GPM6A: variants seen among roughly 807,000 people sequenced by gnomAD.
The protein encoded by GPM6A is glycoprotein M6A.
GPM6A carries 7 observed loss-of-function variants against 32.1 expected under a neutral mutation model. That is an observed-to-expected ratio of 0.22 (90% confidence interval 0.12 to 0.41). The LOEUF (loss-of-function observed/expected upper bound fraction) is 0.41. GPM6A is among the 10% of genes least tolerant of loss of function. The pLI, the probability that GPM6A is intolerant of heterozygous loss-of-function variation, is 1.00. For synonymous variants in GPM6A, 130 were observed against 123.4 expected (o/e 1.05, Z -0.35); for missense variants, 235 against 347.2 (o/e 0.68, Z 2.57).
At chr4:175,811,170 C>T (rs1029237437) in intron 1 of GPM6A, among the ~76,000 whole-genome samples, 1 of 152,056 alleles carries the variant, frequency 6.6e-6, no homozygotes, top group Non-Finnish European at 1.5e-5. Context: ...TGTGCTTCCA[C>T]CCTATATATT....
intron 1 of GPM6A, among the ~76,000 whole-genome samples, chr4:175,929,742 A>G (rs905400744): frequency 1.3e-5 from 2 of 152,188 alleles, no homozygotes; most frequent in Non-Finnish European, 2.9e-5. Flanking sequence ...AAACAAAACA[A>G]CACTCCTAAC....
At chr4:175,946,125 C>A (rs141515590) in intron 1 of GPM6A, among the ~76,000 whole-genome samples, 323 of 152,034 alleles carry the variant, frequency 2.1e-3, no homozygotes, top group Non-Finnish European at 3.4e-3. Flanking sequence ...CCCCCTAAAT[C>A]TATAAAAAAT....
chr4:175,754,985 A>C (rs1334623477), intron 1 of GPM6A, among the ~76,000 whole-genome samples: 2 of 152,038 alleles, frequency 1.3e-5, no homozygotes, highest in Admixed American at 1.3e-4. Context: ...ACACGCACAC[A>C]ATTACACATT....
chr4:175,749,490 G>A (rs968018502), intron 1 of GPM6A, among the ~76,000 whole-genome samples: 28 of 152,120 alleles, frequency 1.8e-4, no homozygotes, highest in African/African-American at 6.5e-4. Flanking sequence ...AAAATAAGAT[G>A]AAGTCTGCAT....
upstream of GPM6A, chr4:175,812,497 A>C: frequency 8.4e-7 from 1 of 1,190,178 alleles, no homozygotes; most frequent in East Asian, 4.1e-5. Flanking sequence ...AAAGCTGCCC[A>C]TTGTGTACCA....
chr4:175,937,402 C>A (rs1196913303), intron 1 of GPM6A, among the ~76,000 whole-genome samples: 1 of 152,100 alleles, frequency 6.6e-6, no homozygotes, highest in African/African-American at 2.4e-5. Context: ...TCAATATGTA[C>A]CTCTATGAAA....
intron 1 of GPM6A, among the ~76,000 whole-genome samples, chr4:175,760,152 G>C (rs577917703): frequency 1.3e-5 from 2 of 152,020 alleles, no homozygotes; most frequent in African/African-American, 4.8e-5. Context: ...CTCCAGCCTG[G>C]GTAGCAGAGT....
intron 1 of GPM6A, among the ~76,000 whole-genome samples, chr4:175,978,643 T>C (rs895157838): frequency 2.6e-5 from 4 of 152,220 alleles, no homozygotes; most frequent in African/African-American, 9.6e-5. Context: ...AATATGGCAA[T>C]AAACAACCAT....
intron 1 of GPM6A, among the ~76,000 whole-genome samples, chr4:175,927,574 A>T (rs1738884973): frequency 6.6e-6 from 1 of 152,214 alleles, no homozygotes; most frequent in Non-Finnish European, 1.5e-5. Flanking sequence ...TACTTAATAG[A>T]GTACTGGTTA....
intron 4 of GPM6A, among the ~76,000 whole-genome samples, chr4:175,650,554 C>G (rs1009705214): frequency 6.6e-6 from 1 of 152,074 alleles, no homozygotes; most frequent in Admixed American, 6.6e-5. Context: ...ATGTGCCTGC[C>G]TTAGTCTCCC....
intron 1 of GPM6A, among the ~76,000 whole-genome samples, chr4:175,986,006 A>T (rs1473635684): frequency 6.6e-6 from 1 of 152,032 alleles, no homozygotes; most frequent in African/African-American, 2.4e-5. Flanking sequence ...GGGTTTCACC[A>T]TGTTGACCAG....
At chr4:175,845,304 A>G (rs896575400) in intron 1 of GPM6A, among the ~76,000 whole-genome samples, 10 of 152,114 alleles carry the variant, frequency 6.6e-5, no homozygotes, top group Non-Finnish European at 1.2e-4. Flanking sequence ...GCCATAGTAG[A>G]CAATGGTGTG....
chr4:175,812,937 A>G (rs1734986821), upstream of GPM6A: 1 of 985,388 alleles, frequency 1.0e-6, no homozygotes, highest in Non-Finnish European at 1.2e-6. Flanking sequence ...GTTTATTACT[A>G]AGACAGGACT....
chr4:175,808,130 T>C (rs192786274), intron 1 of GPM6A, among the ~76,000 whole-genome samples: 1 of 152,250 alleles, frequency 6.6e-6, no homozygotes, highest in East Asian at 1.9e-4. Context: ...AGGGATGATG[T>C]CTGCTTAAGG....
intron 1 of GPM6A, among the ~76,000 whole-genome samples, chr4:175,945,768 ATATTACATACAACTCAGTAATACG>A (rs1739579654): frequency 6.6e-6 from 1 of 151,978 alleles, no homozygotes; most frequent in African/African-American, 2.4e-5. Context: ...ATACGGGTGC[ATATTACATACAACTCAGTAATACG>A]GGTGCATATT....
chr4:175,976,328 A>ATTTTTT (rs34163669), intron 1 of GPM6A, among the ~76,000 whole-genome samples: 16 of 137,326 alleles, frequency 1.2e-4, no homozygotes, highest in African/African-American at 4.2e-4. Flanking sequence ...CGCCTGGCTA[A>ATTTTTT]TTTTTTTTTT....
upstream of GPM6A, chr4:175,812,838 C>A (rs1734983676): frequency 5.1e-6 from 5 of 985,336 alleles, no homozygotes; most frequent in Non-Finnish European, 4.8e-6. Flanking sequence ...CTGTGTTTTC[C>A]TTTTCTCTCC....
At chr4:175,954,926 G>T (rs781760697) in intron 1 of GPM6A, among the ~76,000 whole-genome samples, 1 of 152,196 alleles carries the variant, frequency 6.6e-6, no homozygotes, top group East Asian at 1.9e-4. Flanking sequence ...TACTACAGGC[G>T]CTGTGAGGGC....
At chr4:175,834,227 T>G (rs190869381) in intron 1 of GPM6A, among the ~76,000 whole-genome samples, 20 of 152,272 alleles carry the variant, frequency 1.3e-4, no homozygotes, top group African/African-American at 4.3e-4. Flanking sequence ...CTATAGAATG[T>G]CCCTACGCCT....
Sources: gnomAD v4.1 joint callset for allele counts (sites outside exome capture counted in the v4.1 genomes callset) on GRCh38, gnomAD v4.1.1 for gene constraint, MANE v1.5 for transcripts, NCBI Gene and HGNC (gene_info 2026-07-23, HGNC 2026-07-21) for gene names.